Variants in SHLD2 observed in about 807,000 individuals in gnomAD.
The protein encoded by SHLD2 is shieldin complex subunit 2, also known as RINN1-REV7-interacting novel NHEJ regulator 2.
Under a neutral mutation model 73.2 loss-of-function variants are expected in SHLD2, and 30 were observed. The ratio of observed to expected loss-of-function variants is 0.41; its 90% CI spans 0.31 to 0.56. The LOEUF (loss-of-function observed/expected upper bound fraction) is 0.56. SHLD2 is among the 20% of genes least tolerant of loss of function. The probability of loss-of-function intolerance (pLI) is 0.28; values close to 1 mark genes in which losing one functional copy is unlikely to be tolerated. For missense variants in SHLD2, 745 were observed against 1,055.9 expected, an observed-to-expected ratio of 0.71 and a Z score of 4.08; for synonymous variants, 285 against 370.1, an observed-to-expected ratio of 0.77 and a Z score of 2.64.
chr10:87,128,950 T>TGG (rs1334649966), intron 2 of SHLD2, among the ~76,000 whole-genome samples: 1 of 152,224 alleles, frequency 6.6e-6, no homozygotes, highest in Non-Finnish European at 1.5e-5. Flanking sequence ...TCGCCCAGGC[T>TGG]GGAGTGCAGT....
Position 87,170,643 on chromosome 10 carries a change from T to A in SHLD2, c.1799T>A (p.Leu600Gln). Residue 600 changes from leucine (L) to glutamine (Q), a missense_variant, in exon 5 of 10, where the codon CTA becomes CAA. By Grantham distance (113) the Leu-to-Gln change is moderately radical. Around this residue, in one of 5 missense-constraint regions of SHLD2, gnomAD observed 418 missense variants for 567.8 expected, o/e 0.74. Transcript: ENST00000298786. ...CCTGATGTATTAGTCCACGCAGTAC[T>A]AAGAGTTGTTGATTTCACTATACTG... The part of the protein sequence containing the change: ...LQPDVLVHAV[L>Q]RVVDFTILTE... 1 of 1,608,178 alleles carries A rather than the reference T, an allele frequency of 6.2e-7. No homozygotes were observed. The highest frequency in any genetic ancestry group is 8.5e-7 in the Non-Finnish European group (1 of 1,178,322).
intron 7 of SHLD2, among the ~76,000 whole-genome samples, chr10:87,177,698 G>A (rs1589654397): frequency 6.6e-6 from 1 of 152,218 alleles, no homozygotes; most frequent in African/African-American, 2.4e-5. Flanking sequence ...GCATTTCCTA[G>A]AAGGGTCTGC....
rs1445920250 is a variant in SHLD2 at position 87,166,837 on chromosome 10, AGATG to A, written c.1634-3639_1634-3636del. On this transcript the variant is annotated intron_variant, in intron 4 of 9. Coordinates refer to ENST00000298786, the MANE Select transcript of SHLD2 (RefSeq NM_001330112.2). ...ACTTAGTATGAACCTATAGTAACTGAGATGGTGTGGTTTTGCCCAGTTGAAGTCA... is the reference window on the plus strand; with the variant it reads ...ACTTAGTATGAACCTATAGTAACTGAGTGTGGTTTTGCCCAGTTGAAGTCA... 5.3e-5 allele frequency among the ~76,000 whole-genome samples: 8 copies of A among 152,272 alleles called. No homozygotes were observed. In the East Asian group the frequency reaches 1.3e-3, roughly 26 times the overall value.
At chr10:87,153,174 G>T (rs536894568) in intron 3 of SHLD2, among the ~76,000 whole-genome samples, 2 of 152,226 alleles carry the variant, frequency 1.3e-5, no homozygotes, top group African/African-American at 4.8e-5. Flanking sequence ...TGTAATCCCA[G>T]CACTTTGGGA....
intron 2 of SHLD2, among the ~76,000 whole-genome samples, chr10:87,146,078 T>A (rs1845586444): frequency 6.6e-6 from 1 of 152,172 alleles, no homozygotes; most frequent in African/African-American, 2.4e-5. Flanking sequence ...AAACACTTTT[T>A]AAAAATTTAC....
Position 87,190,989 on chromosome 10 carries a change from C to T in SHLD2, c.*306C>T. ...TGTTCACTGTATTTAGTCCCTGCTA[C>T]ATTCCAGGCATTGTACTAAGTATGG... On this transcript the variant is annotated 3_prime_UTR_variant, in exon 10 of 10. Coordinates refer to ENST00000298786, the MANE Select transcript of SHLD2 (RefSeq NM_001330112.2). The T allele has an allele frequency of 2.6e-6, 1 of 385,114 alleles. No homozygotes were observed. Among genetic ancestry groups the T allele is most frequent in the South Asian group, 2.6e-5 (1 of 38,576 alleles). The allele number at this position is 385,114 out of a possible 1,614,324, so 23.9% of individuals were successfully genotyped here.
intron 2 of SHLD2, among the ~76,000 whole-genome samples, chr10:87,104,074 A>G (rs1174875616): frequency 6.6e-6 from 1 of 150,638 alleles, no homozygotes; most frequent in African/African-American, 2.4e-5. Flanking sequence ...TCTCTACAAA[A>G]ATACAAAAAT....
At chr10:87,185,850 A>C (rs896581272) in intron 8 of SHLD2, among the ~76,000 whole-genome samples, 10 of 152,128 alleles carry the variant, frequency 6.6e-5, no homozygotes, top group African/African-American at 2.4e-4. Context: ...TCATCTTGGC[A>C]CCACTGTTGA....
At position 87,190,815 on chromosome 10, in the gene SHLD2, A is replaced by T. The variant is rs1849022263; in HGVS notation, c.*132A>T. The stretch of plus-strand genomic sequence containing the variant: ...TATTTTACAAAGAGAATTGCACTAG[A>T]TATATAAATTAAAACTTTTTTCTAA... On this transcript the variant is annotated 3_prime_UTR_variant, in exon 10 of 10. Coordinates refer to ENST00000298786, the MANE Select transcript of SHLD2 (RefSeq NM_001330112.2). The T allele has an allele frequency of 1.4e-6, 1 of 717,382 alleles. No individual in the cohort carries two copies. 44.4% of individuals were successfully genotyped at this position (717,382 alleles called of 1,614,324 possible).
chr10:87,187,147 T>C lies in SHLD2; in HGVS notation c.2462T>C (p.Leu821Pro). Residue 821 changes from leucine to proline, a missense_variant, in exon 9 of 10, where the codon CTG becomes CCG. Leu to Pro is a moderately conservative substitution (Grantham distance 98, BLOSUM62 -3). Coordinates refer to ENST00000298786, the MANE Select transcript of SHLD2 (RefSeq NM_001330112.2). ...GTTTGTATCCGTGTAGAATCAAAGC[T>C]GATAGAGAAGATTCTTCTCAACATT... The part of the protein sequence containing the change: ...HDVCIRVESK[L>P]IEKILLNISA... 1 of 1,613,542 alleles carries C rather than the reference T, an allele frequency of 6.2e-7. No individual in the cohort carries two copies. The highest frequency in any genetic ancestry group is 1.7e-4 in the Middle Eastern group (1 of 6,052).
intron 2 of SHLD2, among the ~76,000 whole-genome samples, chr10:87,149,555 T>G (rs898017609): frequency 1.3e-5 from 2 of 151,834 alleles, no homozygotes; most frequent in African/African-American, 4.8e-5. Context: ...ACACCCCATC[T>G]CTACTAAAAA....
chr10:87,139,840 A>T (rs914014560), intron 2 of SHLD2, among the ~76,000 whole-genome samples: 2 of 152,092 alleles, frequency 1.3e-5, no homozygotes, highest in Non-Finnish European at 2.9e-5. Flanking sequence ...AAACCAAAAG[A>T]CTCACAAGTA....
chr10:87,188,185 TG>T (rs1384261197), intron 9 of SHLD2, among the ~76,000 whole-genome samples: 1 of 152,214 alleles, frequency 6.6e-6, no homozygotes, highest in Admixed American at 6.5e-5. Flanking sequence ...ATGTTGAATA[TG>T]GCGCTTTCTT....
At chr10:87,176,131 A>C in intron 7 of SHLD2, 36 bp downstream of exon 7, 4 of 1,547,566 alleles carry the variant, frequency 2.6e-6, no homozygotes, top group East Asian at 2.4e-5. Flanking sequence ...TGCTATTTTT[A>C]TTTCTTTTGA....
rs1165731783 is a variant in SHLD2, at chr10:87,158,050, G to A, written c.1528G>A (p.Val510Ile). ...CAGAACGTTTTTTCTCTCTCTAGATGTTGTTATTCATGAGGACCAATGGAT... is the reference window on the plus strand; with the variant it reads ...CAGAACGTTTTTTCTCTCTCTAGATATTGTTATTCATGAGGACCAATGGAT... ...FLGDIILLTDVVIHEDQWIGE... is the reference protein window; with the variant it reads ...FLGDIILLTDIVIHEDQWIGE... Residue 510 changes from valine (V) to isoleucine (I), a missense_variant and splice_region_variant, in exon 4 of 10, where the codon GTT becomes ATT. Val to Ile is a conservative substitution (Grantham distance 29, BLOSUM62 3). Around this residue, in one of 5 missense-constraint regions of SHLD2, gnomAD observed 418 missense variants for 567.8 expected, o/e 0.74. Transcript: ENST00000298786. 3.7e-6 allele frequency: 6 copies of A among 1,610,892 alleles called. No homozygotes were observed. In the Admixed American group the frequency reaches 8.3e-5, roughly 22 times the overall value.
chr10:87,138,407 C>A (rs1234409687), intron 2 of SHLD2, among the ~76,000 whole-genome samples: 1 of 151,124 alleles, frequency 6.6e-6, no homozygotes, highest in Non-Finnish European at 1.5e-5. Context: ...ACCTAGATTT[C>A]TATGGCCAGC....
chr10:87,166,572 G>A (rs995625593), intron 4 of SHLD2, among the ~76,000 whole-genome samples: 1 of 152,190 alleles, frequency 6.6e-6, no homozygotes, highest in African/African-American at 2.4e-5. Flanking sequence ...TAAATTCAGT[G>A]CATGTTCAAT....
At chr10:87,166,295 A>G (rs1226401979) in intron 4 of SHLD2, among the ~76,000 whole-genome samples, 1 of 151,638 alleles carries the variant, frequency 6.6e-6, no homozygotes, top group Non-Finnish European at 1.5e-5. Context: ...AATAATGTGA[A>G]AATTTAGCAA....
chr10:87,166,119 A>T (rs1045967679), intron 4 of SHLD2, among the ~76,000 whole-genome samples: 1 of 152,110 alleles, frequency 6.6e-6, no homozygotes. Context: ...TATGACTAGG[A>T]TACTACTATT....
Sources: gnomAD v4.1 joint callset for allele counts (sites outside exome capture counted in the v4.1 genomes callset) on GRCh38, gnomAD v4.1.1 for gene constraint, gnomAD v4.1.1 regional missense constraint, MANE v1.5 for transcripts, NCBI Gene and HGNC (gene_info 2026-07-23, HGNC 2026-07-21) for gene names.